Variants in CDH4 observed in about 807,000 individuals in gnomAD.
CDH4 encodes cadherin 4, also known as cadherin-4.
A neutral mutation model predicts 86.0 loss-of-function variants in CDH4; 33 were observed. That is an observed-to-expected ratio of 0.38 (90% CI 0.29 to 0.51). The LOEUF (loss-of-function observed/expected upper bound fraction) is 0.51. Among genes scored for constraint, CDH4 ranks in the 20% least tolerant of loss-of-function variants. The pLI, the probability that CDH4 is intolerant of heterozygous loss-of-function variation, is 0.86. For missense variants in CDH4, 1,114 were observed against 1,307.4 expected, an observed-to-expected ratio of 0.85 and a Z score of 2.28; for synonymous variants, 555 against 549.4, an observed-to-expected ratio of 1.01 and a Z score of -0.14.
At chr20:61,704,568 C>T (rs556673550) in intron 2 of CDH4, among the ~76,000 whole-genome samples, 2 of 152,272 alleles carry the variant, frequency 1.3e-5, no homozygotes, top group South Asian at 2.1e-4. Context: ...ATCCGGTGGC[C>T]ACAGCGTGCA....
intron 2 of CDH4, among the ~76,000 whole-genome samples, chr20:61,307,234 C>T (rs1232889687): frequency 6.6e-6 from 1 of 152,234 alleles, no homozygotes; most frequent in Non-Finnish European, 1.5e-5. Flanking sequence ...CTACATGCTC[C>T]AACACGCCTT....
chr20:61,824,830 G>A (rs1224261440), intron 4 of CDH4, among the ~76,000 whole-genome samples: 2 of 152,188 alleles, frequency 1.3e-5, no homozygotes, highest in African/African-American at 4.8e-5. Flanking sequence ...TGCCTTGTAA[G>A]AACAGGCTTA....
Position 61,535,823 on chromosome 20 carries a change from CGGTCCTTT to C in CDH4, c.170-207737_170-207730del. On this transcript the variant is annotated intron_variant, in intron 2 of 15. Coordinates refer to ENST00000614565, the MANE Select transcript of CDH4 (RefSeq NM_001794.5). ...GGAGAGTGTGGGGGCCCTTCAGTGCCGGTCCTTTGGGCATTCGAACCCCCTGTTCCCGC... is the reference window on the plus strand; with the variant it reads ...GGAGAGTGTGGGGGCCCTTCAGTGCCGGGCATTCGAACCCCCTGTTCCCGC... Among the ~76,000 whole-genome samples the C allele has an allele frequency of 2.6e-5, 4 of 152,282 alleles. No homozygotes were observed. The South Asian group carries it at 8.3e-4, about 32-fold the overall frequency.
In CDH4 at chr20:61,604,632, G is replaced by A. The variant is rs375576180; in HGVS notation, c.170-138931G>A. 3.2e-4 allele frequency among the ~76,000 whole-genome samples: 49 copies of A among 152,312 alleles called. 1 individual carries two copies. Among genetic ancestry groups the A allele is most frequent in the African/African-American group, 1.1e-3 (46 of 41,558 alleles). On this transcript the variant is annotated intron_variant, in intron 2 of 15. Coordinates refer to ENST00000614565, the MANE Select transcript of CDH4 (RefSeq NM_001794.5). Reference sequence around the variant, plus strand: ...CTTGGGAGGTGTCTCGGTGTTTGATGTTTGTTCTTACTGACGCACTCCTTC... The same window carrying A: ...CTTGGGAGGTGTCTCGGTGTTTGATATTTGTTCTTACTGACGCACTCCTTC...
chr20:61,902,349 G>A lies in CDH4; in HGVS notation c.1188+7302G>A, dbSNP rs934701222. 2.2e-4 allele frequency among the ~76,000 whole-genome samples: 34 copies of A among 152,212 alleles called. No homozygotes were observed. The highest frequency in any genetic ancestry group is 5.5e-4 in the African/African-American group (23 of 41,462). ...TGCCCTTCACCAGCCACGGAGACCC[G>A]GGGTCTATGGGCAGTGCCCTAAATG... On this transcript the variant is annotated intron_variant, in intron 8 of 15. Transcript: ENST00000614565. The surrounding 1 kb of genome is among the most constrained non-coding windows in gnomAD (Gnocchi z 4.6).
chr20:61,773,365 C>T (rs2088801212), intron 4 of CDH4, among the ~76,000 whole-genome samples, 183 bp downstream of exon 4: 3 of 152,240 alleles, frequency 2.0e-5, no homozygotes, highest in Admixed American at 6.5e-5. Context: ...GAAGCTGCGT[C>T]CTCCGCGGTG....
At chr20:61,687,526 C>T (rs1229350305) in intron 2 of CDH4, among the ~76,000 whole-genome samples, 1 of 152,184 alleles carries the variant, frequency 6.6e-6, no homozygotes, top group Non-Finnish European at 1.5e-5. Context: ...ATTTTAATTC[C>T]ATAAAACGAC....
chr20:61,325,979 C>T (rs924064838), intron 2 of CDH4, among the ~76,000 whole-genome samples: 10 of 152,198 alleles, frequency 6.6e-5, no homozygotes, highest in East Asian at 1.9e-4. Flanking sequence ...GTGGCGGTAC[C>T]GGTTCAAACC....
chr20:61,817,585 G>T (rs969003297), intron 4 of CDH4, among the ~76,000 whole-genome samples: 3 of 152,006 alleles, frequency 2.0e-5, no homozygotes, highest in Admixed American at 6.5e-5. Flanking sequence ...TGGGCTGCCT[G>T]TCCTGCGCAC....
At chr20:61,628,217 TG>T (rs902644541) in intron 2 of CDH4, among the ~76,000 whole-genome samples, 9 of 152,276 alleles carry the variant, frequency 5.9e-5, no homozygotes, top group Middle Eastern at 3.4e-3. Context: ...CCCCGGCTGC[TG>T]CGTCGGCCTG....
intron 2 of CDH4, among the ~76,000 whole-genome samples, chr20:61,380,748 G>A (rs1158640718): frequency 6.6e-6 from 1 of 152,190 alleles, no homozygotes; most frequent in Non-Finnish European, 1.5e-5. Context: ...TTACAACTTG[G>A]AGATCTTTCA....
At chr20:61,464,130 A>G (rs1395289981) in intron 2 of CDH4, among the ~76,000 whole-genome samples, 1 of 152,130 alleles carries the variant, frequency 6.6e-6, no homozygotes, top group Non-Finnish European at 1.5e-5. Context: ...TTGGTTTGCA[A>G]TGTATCACTT....
intron 2 of CDH4, among the ~76,000 whole-genome samples, chr20:61,351,193 A>G (rs2084710051): frequency 6.6e-6 from 1 of 152,006 alleles, no homozygotes; most frequent in Non-Finnish European, 1.5e-5. Context: ...CCAACCACAG[A>G]TCAGAAATAT....
intron 8 of CDH4, among the ~76,000 whole-genome samples, chr20:61,904,121 C>T (rs990706561): frequency 6.6e-6 from 1 of 152,234 alleles, no homozygotes; most frequent in African/African-American, 2.4e-5. Flanking sequence ...AGAGTATGGG[C>T]TGCAGGGCCC....
At position 61,369,648 on chromosome 20, in the gene CDH4, A is replaced by G. The variant is rs539337665; in HGVS notation, c.169+114711A>G. Among the ~76,000 whole-genome samples, 6 of 152,046 alleles carry G rather than the reference A, an allele frequency of 3.9e-5. No homozygotes were observed. The East Asian group carries it at 1.2e-3, about 29-fold the overall frequency. Reference sequence around the variant, plus strand: ...ACCCAGTGGGGTTCTCAAAATCTACATGAAGGAATTACAGGAATTATTTGT... The same window carrying G: ...ACCCAGTGGGGTTCTCAAAATCTACGTGAAGGAATTACAGGAATTATTTGT... On this transcript the variant is annotated intron_variant, in intron 2 of 15. Coordinates refer to ENST00000614565, the MANE Select transcript of CDH4 (RefSeq NM_001794.5).
intron 2 of CDH4, among the ~76,000 whole-genome samples, chr20:61,408,816 T>A (rs1258909121): frequency 1.3e-5 from 2 of 152,100 alleles, no homozygotes; most frequent in Non-Finnish European, 2.9e-5. Flanking sequence ...TTTACAGATG[T>A]TTATGGAAGG....
chr20:61,429,964 G>A (rs1417697489), intron 2 of CDH4, among the ~76,000 whole-genome samples: 1 of 152,226 alleles, frequency 6.6e-6, no homozygotes, highest in Non-Finnish European at 1.5e-5. Context: ...TTTGTGTGCC[G>A]AGCATGGCTT....
intron 2 of CDH4, among the ~76,000 whole-genome samples, chr20:61,620,252 A>T (rs1168180110): frequency 1.8e-5 from 2 of 110,022 alleles, no homozygotes; most frequent in Non-Finnish European, 4.1e-5. Flanking sequence ...AGATGGGTAG[A>T]TAGATGATGG....
At chr20:61,493,832 C>T (rs547049350) in intron 2 of CDH4, among the ~76,000 whole-genome samples, 26 of 152,330 alleles carry the variant, frequency 1.7e-4, no homozygotes, top group African/African-American at 5.8e-4. Context: ...GTGTGGATTC[C>T]GCTACAGGTG....
Sources: allele counts gnomAD v4.1 joint callset (sites outside exome capture counted in the v4.1 genomes callset), GRCh38; gene constraint gnomAD v4.1.1; non-coding constraint Gnocchi (gnomAD v3.1); transcripts MANE v1.5; gene names NCBI Gene and HGNC (gene_info 2026-07-23, HGNC 2026-07-21).